The following RUNX2 variants were observed in gnomAD, a reference collection of about 807,000 sequenced individuals.
RUNX2 encodes the protein RUNX family transcription factor 2, also known as runt-related transcription factor 2.
Under a neutral mutation model 51.7 loss-of-function variants are expected in RUNX2, and 10 were observed. The observed-to-expected ratio is 0.19, with a 90% confidence interval of 0.12 to 0.33. The LOEUF is 0.33. Among genes scored for constraint, RUNX2 ranks in the 10% least tolerant of loss-of-function variants. RUNX2 has a pLI of 1.00. For synonymous variants in RUNX2, 276 were observed against 273.6 expected (o/e 1.01, Z -0.09); for missense variants, 562 against 691.3 (o/e 0.81, Z 2.10).
At chr6:45,429,569 C>T (rs56395969) in intron 3 of RUNX2, among the ~76,000 whole-genome samples, 2,803 of 152,284 alleles carry the variant, frequency 0.018, 46 homozygotes, top group South Asian at 0.034. Flanking sequence ...ATCCAGGAGA[C>T]TTCTCATATT....
intron 7 of RUNX2, among the ~76,000 whole-genome samples, chr6:45,520,682 T>A (rs1801476907): frequency 6.6e-6 from 1 of 152,186 alleles, no homozygotes; most frequent in Admixed American, 6.5e-5. Context: ...CCCATTTGTA[T>A]GTCATTTCTG....
At chr6:45,444,967 C>G (rs1798949800) in intron 5 of RUNX2, among the ~76,000 whole-genome samples, 1 of 152,146 alleles carries the variant, frequency 6.6e-6, no homozygotes, top group Admixed American at 6.6e-5. Flanking sequence ...AAGGAATAGA[C>G]TTTTTATGCC....
intron 5 of RUNX2, among the ~76,000 whole-genome samples, chr6:45,485,918 T>C (rs917864806): frequency 6.6e-6 from 1 of 151,826 alleles, no homozygotes; most frequent in Non-Finnish European, 1.5e-5. Context: ...CCTATAATAC[T>C]TCAATACTTT....
chr6:45,430,360 T>C (rs1798509492), intron 3 of RUNX2, among the ~76,000 whole-genome samples: 1 of 152,124 alleles, frequency 6.6e-6, no homozygotes, highest in Admixed American at 6.5e-5. Flanking sequence ...GGCCTGTAAT[T>C]TAAGGAAGGC....
At chr6:45,457,678 A>G (rs1799353223) in intron 5 of RUNX2, among the ~76,000 whole-genome samples, 1 of 152,224 alleles carries the variant, frequency 6.6e-6, no homozygotes, top group African/African-American at 2.4e-5. Context: ...AAACTAAAGC[A>G]GCCTTTCTAG....
chr6:45,469,535 A>G (rs1799736287), intron 5 of RUNX2, among the ~76,000 whole-genome samples: 2 of 152,218 alleles, frequency 1.3e-5, no homozygotes, highest in African/African-American at 4.8e-5. Flanking sequence ...TATTAAAGAT[A>G]AGATCATTCT....
intron 7 of RUNX2, among the ~76,000 whole-genome samples, chr6:45,521,977 C>A (rs1250507780): frequency 6.6e-6 from 1 of 152,060 alleles, no homozygotes; most frequent in Non-Finnish European, 1.5e-5. Context: ...TTTTGTAGAT[C>A]CAAATATGAT....
chr6:45,508,317 C>T (rs1563116594), intron 6 of RUNX2, among the ~76,000 whole-genome samples: 3 of 150,574 alleles, frequency 2.0e-5, no homozygotes, highest in African/African-American at 7.4e-5. Flanking sequence ...CAACCTCCGC[C>T]TCTTGGGTTC....
intron 2 of RUNX2, among the ~76,000 whole-genome samples, chr6:45,375,847 C>G (rs1796706328): frequency 6.6e-6 from 1 of 151,428 alleles, no homozygotes; most frequent in African/African-American, 2.4e-5. Flanking sequence ...AACAGATGCA[C>G]ATATTTCAAG....
intron 2 of RUNX2, among the ~76,000 whole-genome samples, chr6:45,338,217 G>C (rs1283042685): frequency 6.6e-6 from 1 of 151,866 alleles, no homozygotes; most frequent in Non-Finnish European, 1.5e-5. Context: ...ACAATATTAT[G>C]CTTCCTCACA....
intron 5 of RUNX2, among the ~76,000 whole-genome samples, chr6:45,469,988 C>T (rs1799749466): frequency 6.6e-6 from 1 of 152,206 alleles, no homozygotes; most frequent in African/African-American, 2.4e-5. Context: ...AATCAGACCC[C>T]TTTGACAATG....
chr6:45,407,942 A>G (rs1797871983), intron 2 of RUNX2, among the ~76,000 whole-genome samples: 1 of 152,178 alleles, frequency 6.6e-6, no homozygotes, highest in South Asian at 2.1e-4. Flanking sequence ...TGAGTTTATA[A>G]CTGTTAAAAT....
chr6:45,540,128 G>T (rs1802171109), intron 7 of RUNX2, among the ~76,000 whole-genome samples: 1 of 152,160 alleles, frequency 6.6e-6, no homozygotes, highest in Admixed American at 6.5e-5. Flanking sequence ...AGGAAGAGGG[G>T]CCATGCTTAG....
chr6:45,492,140 T>G, intron 6 of RUNX2, 26 bp downstream of exon 6: 1 of 1,612,482 alleles, frequency 6.2e-7, no homozygotes, highest in Non-Finnish European at 8.5e-7. Context: ...AGGTTTCACT[T>G]GCATAGACGC....
intron 7 of RUNX2, among the ~76,000 whole-genome samples, chr6:45,522,682 T>C (rs1204423995): frequency 6.6e-6 from 1 of 152,190 alleles, no homozygotes; most frequent in Non-Finnish European, 1.5e-5. Context: ...AAGACTCCCA[T>C]TGGCCCAGGG....
At chr6:45,472,275 A>G (rs772703786) in intron 5 of RUNX2, among the ~76,000 whole-genome samples, 3 of 152,222 alleles carry the variant, frequency 2.0e-5, no homozygotes, top group Non-Finnish European at 4.4e-5. Context: ...TCTCTACCCA[A>G]TAAGTAAGCA....
intron 5 of RUNX2, among the ~76,000 whole-genome samples, chr6:45,450,308 C>T (rs986932701): frequency 1.1e-3 from 169 of 152,252 alleles, no homozygotes; most frequent in African/African-American, 3.9e-3. Context: ...CTGAAAATAC[C>T]ATCTCCCTTT....
chr6:45,483,704 A>C (rs1224567418), intron 5 of RUNX2, among the ~76,000 whole-genome samples: 1 of 152,208 alleles, frequency 6.6e-6, no homozygotes, highest in East Asian at 1.9e-4. Context: ...AGGGATCATC[A>C]AGGCTCTCGA....
intron 2 of RUNX2, among the ~76,000 whole-genome samples, chr6:45,372,233 A>G (rs1796165881): frequency 1.3e-5 from 2 of 152,206 alleles, no homozygotes. Context: ...CCTCATCTCT[A>G]AAATGGAGAT....
Sources: allele counts gnomAD v4.1 joint callset (sites outside exome capture counted in the v4.1 genomes callset), GRCh38; gene constraint gnomAD v4.1.1; transcripts MANE v1.5; gene names NCBI Gene and HGNC (gene_info 2026-07-23, HGNC 2026-07-21).